The following ARAP2 variants were observed in gnomAD, a reference collection of about 807,000 sequenced individuals.
The protein encoded by ARAP2 is ArfGAP with RhoGAP domain, ankyrin repeat and PH domain 2.
Under a neutral mutation model 194.5 loss-of-function variants are expected in ARAP2, and 148 were observed. That is an observed-to-expected ratio of 0.76 (90% CI 0.67 to 0.87). ARAP2 has a LOEUF of 0.87. Among genes scored for constraint, ARAP2 ranks in the 40% least tolerant of loss-of-function variants. ARAP2 has a pLI of 0.00. For synonymous variants in ARAP2, 695 were observed against 683.5 expected (o/e 1.02, Z -0.26); for missense variants, 2,128 against 1,989.7 (o/e 1.07, Z -1.32).
At chr4:36,213,354 T>A in intron 3 of ARAP2, 35 bp from the exon 4 acceptor site, 1 of 1,395,918 alleles carries the variant, frequency 7.2e-7, no homozygotes, top group Non-Finnish European at 1.0e-6. Context: ...AACAGAAAGA[T>A]GTGAATAATG....
rs1331054275 is a variant in ARAP2 at position 36,133,162 on chromosome 4, T to C, written c.3427+64A>G. 3 of 1,552,756 alleles carry C rather than the reference T, an allele frequency of 1.9e-6. No homozygotes were observed. The East Asian group carries it at 6.8e-5, about 35-fold the overall frequency. On this transcript the variant is annotated intron_variant, in intron 20 of 32. Transcript: ENST00000303965. ...TAACTCAGTCCAATAGAGGTACCACTTAAAAACCTGTAAGAACGATACAAT... is the reference window on the plus strand; with the variant it reads ...TAACTCAGTCCAATAGAGGTACCACCTAAAAACCTGTAAGAACGATACAAT...
intron 6 of ARAP2, among the ~76,000 whole-genome samples, chr4:36,196,436 C>T (rs1283354178): frequency 6.6e-6 from 1 of 152,208 alleles, no homozygotes; most frequent in Non-Finnish European, 1.5e-5. Context: ...ACCACTGGCT[C>T]TCTGAGGAAA....
At chr4:36,236,684 G>A (rs1752518045) in intron 1 of ARAP2, among the ~76,000 whole-genome samples, 1 of 152,252 alleles carries the variant, frequency 6.6e-6, no homozygotes, top group South Asian at 2.1e-4. Context: ...AACAATAAGA[G>A]CTGGCCATAT....
chr4:36,243,513 C>G (rs916717847), intron 1 of ARAP2: 1 of 151,726 alleles, frequency 6.6e-6, no homozygotes, highest in Non-Finnish European at 1.5e-5. Flanking sequence ...GCTATATAAT[C>G]CACGAACCCT....
At chr4:36,076,976 G>C (rs535955944) in intron 31 of ARAP2, among the ~76,000 whole-genome samples, 1 of 152,074 alleles carries the variant, frequency 6.6e-6, no homozygotes, top group East Asian at 1.9e-4. Context: ...AGTTAAGAAG[G>C]AATTACTAAG....
chr4:36,046,772 T>G (rs1721905404), exon 4 of ARAP2: 1 of 152,178 alleles, frequency 6.6e-6, no homozygotes. Context: ...TTCTTTTCTG[T>G]CCAGGCCAGA....
chr4:36,197,583 T>C (rs1743397243), intron 6 of ARAP2, among the ~76,000 whole-genome samples: 1 of 152,354 alleles, frequency 6.6e-6, no homozygotes, highest in South Asian at 2.1e-4. Context: ...GTTTGTTCCA[T>C]CCATTTGGCT....
intron 4 of ARAP2, 87 bp downstream of exon 4, chr4:36,213,156 A>G: frequency 9.5e-7 from 1 of 1,050,038 alleles, no homozygotes; most frequent in South Asian, 1.4e-5. Context: ...CCATTCTTCA[A>G]ATAGCTTGGA....
At chr4:36,237,235 A>C (rs1334665483) in intron 1 of ARAP2, among the ~76,000 whole-genome samples, 1 of 152,222 alleles carries the variant, frequency 6.6e-6, no homozygotes, top group Non-Finnish European at 1.5e-5. Flanking sequence ...TCAAATAACA[A>C]ATTATTATTT....
At chr4:36,168,465 T>C (rs1735802820) in intron 9 of ARAP2, among the ~76,000 whole-genome samples, 1 of 152,170 alleles carries the variant, frequency 6.6e-6, no homozygotes, top group South Asian at 2.1e-4. Context: ...CAAATCTCCA[T>C]CTAGTTAAGC....
rs1476235574 is a variant in ARAP2, at chr4:36,210,717, AT to A, written c.1159del (p.Ile387Ter). Reference protein sequence around the residue: ...SSIYDNRKEKISEDKVEDIWI... With the variant: ...SSIYDNRKEKXSEDKVEDIWI... Reference sequence around the variant, plus strand: ...AATATCTTCCACCTTGTCCTCGCTTATTTTCTCCTTTCTGTTATCGTATATG... The same window carrying A: ...AATATCTTCCACCTTGTCCTCGCTTATTTCTCCTTTCTGTTATCGTATATG... On this transcript the variant is annotated frameshift_variant, in exon 6 of 33. Transcript: ENST00000303965. LOFTEE classifies it high-confidence loss of function. 1 of 1,604,478 alleles carries A rather than the reference AT, an allele frequency of 6.2e-7. No homozygotes were observed.
intron 8 of ARAP2, among the ~76,000 whole-genome samples, chr4:36,014,292 A>AGAAAGAAAGAAAGAAAGAAAGAAAGAAG (rs1715237617): frequency 7.3e-6 from 1 of 136,994 alleles, no homozygotes; most frequent in African/African-American, 2.7e-5. Flanking sequence ...AAAGAAAGAA[A>AGAAAGAAAGAAAGAAAGAAAGAAAGAAG]GAAAGAAGAG....
intron 6 of ARAP2, among the ~76,000 whole-genome samples, chr4:36,017,413 T>C (rs1716022302): frequency 2.0e-5 from 3 of 151,136 alleles, no homozygotes; most frequent in Admixed American, 2.0e-4. Flanking sequence ...ATTCTGTATG[T>C]CAGGTCATGA....
chr4:36,106,904 T>C (rs772639257), intron 27 of ARAP2, among the ~76,000 whole-genome samples: 3 of 152,026 alleles, frequency 2.0e-5, no homozygotes, highest in South Asian at 2.1e-4. Flanking sequence ...TTGAGTTGGA[T>C]TGTATATAAT....
At chr4:36,153,545 T>C (rs1422955617) in intron 15 of ARAP2, among the ~76,000 whole-genome samples, 3 of 152,198 alleles carry the variant, frequency 2.0e-5, no homozygotes, top group Non-Finnish European at 4.4e-5. Flanking sequence ...CAAGTAAAGT[T>C]AGTGGATTGG....
At chr4:36,072,660 A>C (rs1727280003) in intron 32 of ARAP2, among the ~76,000 whole-genome samples, 1 of 137,244 alleles carries the variant, frequency 7.3e-6, no homozygotes, top group Non-Finnish European at 1.6e-5. Context: ...TATTACCTAA[A>C]AAAAAACAAA....
intron 9 of ARAP2, among the ~76,000 whole-genome samples, chr4:36,008,424 A>C (rs1713767203): frequency 6.6e-6 from 1 of 152,150 alleles, no homozygotes; most frequent in African/African-American, 2.4e-5. Flanking sequence ...CAAACTTGAC[A>C]AAAATAAGCA....
chr4:36,136,527 G>A (rs1323379972), intron 19 of ARAP2, among the ~76,000 whole-genome samples: 1 of 151,656 alleles, frequency 6.6e-6, no homozygotes, highest in East Asian at 1.9e-4. Context: ...ACAAGAACCA[G>A]AAGTGCCTTC....
chr4:36,080,699 A>G (rs1729338365), intron 30 of ARAP2, among the ~76,000 whole-genome samples: 1 of 152,212 alleles, frequency 6.6e-6, no homozygotes, highest in South Asian at 2.1e-4. Flanking sequence ...CATAGTCTCC[A>G]TCATTGTAAT....
Sources: allele counts gnomAD v4.1 joint callset (sites outside exome capture counted in the v4.1 genomes callset), GRCh38; gene constraint gnomAD v4.1.1; transcripts MANE v1.5; gene names NCBI Gene and HGNC (gene_info 2026-07-23, HGNC 2026-07-21).